DPY19L3: variants seen among roughly 807,000 people sequenced by gnomAD.
DPY19L3 encodes the protein protein C-mannosyl-transferase DPY19L3.
In DPY19L3, 51 loss-of-function variants were observed where a neutral mutation model predicts 92.3. That is an observed-to-expected ratio of 0.55 (90% confidence interval 0.44 to 0.70). The LOEUF (loss-of-function observed/expected upper bound fraction) is 0.70, where lower values mean the gene tolerates loss of function less well. DPY19L3 is among the 30% of genes least tolerant of loss of function. DPY19L3 has a pLI of 0.00. For synonymous variants in DPY19L3, 309 were observed against 315.2 expected (o/e 0.98, Z 0.21); for missense variants, 706 against 855.9 (o/e 0.82, Z 2.18).
chr19:32,480,679 T>C, intron 18 of DPY19L3, 122 bp downstream of exon 18: 1 of 1,308,908 alleles, frequency 7.6e-7, no homozygotes, highest in Non-Finnish European at 1.0e-6. Context: ...GAATCAAGTA[T>C]TTGCTTTTTC....
chr19:32,463,778 A>G (rs1303280675), intron 13 of DPY19L3, 91 bp from the exon 14 acceptor site: 1 of 1,173,826 alleles, frequency 8.5e-7, no homozygotes, highest in Non-Finnish European at 1.3e-6. Context: ...TTTTGCCGTC[A>G]TAGACTGTAA....
chr19:32,474,057 C>T (rs183317481), intron 16 of DPY19L3, among the ~76,000 whole-genome samples: 1 of 152,298 alleles, frequency 6.6e-6, no homozygotes, highest in Non-Finnish European at 1.5e-5. Context: ...CCCACCTCAG[C>T]CTCCCAAAGT....
At chr19:32,478,742 T>G (rs1237377644) in intron 17 of DPY19L3, among the ~76,000 whole-genome samples, 1 of 152,278 alleles carries the variant, frequency 6.6e-6, no homozygotes, top group African/African-American at 2.4e-5. Context: ...CCTTCCTATT[T>G]TTAAAGCTGC....
At chr19:32,431,910 T>C (rs750630804) in intron 3 of DPY19L3, among the ~76,000 whole-genome samples, 2 of 152,152 alleles carry the variant, frequency 1.3e-5, no homozygotes, top group Non-Finnish European at 2.9e-5. Context: ...ATACCATCAA[T>C]ACGGTGAAAA....
chr19:32,421,528 T>A (rs530351666), intron 3 of DPY19L3, among the ~76,000 whole-genome samples: 1 of 150,754 alleles, frequency 6.6e-6, no homozygotes, highest in African/African-American at 2.4e-5. Flanking sequence ...TAATCCCAGC[T>A]GAAGCAGGAG....
rs773277328 is a variant in DPY19L3, at chr19:32,482,985, A to G, written c.*745A>G. The G allele has an allele frequency of 2.0e-5, 3 of 152,226 alleles. No homozygotes were observed. The highest frequency in any genetic ancestry group is 2.9e-5 in the Non-Finnish European group (2 of 68,042). 9.4% of individuals were successfully genotyped at this position (152,226 alleles called of 1,614,324 possible). A position where few individuals can be genotyped will look rare whatever the true frequency, so the allele number is the denominator to read the frequency against. ...AAATATATGTAGCCAAGTAGAATTT[A>G]TTACATTTTAGTGTTATTATTTTAA... On this transcript the variant is annotated 3_prime_UTR_variant, in exon 19 of 19. Transcript: ENST00000392250.
chr19:32,430,818 G>T (rs1968939119), intron 3 of DPY19L3, among the ~76,000 whole-genome samples: 2 of 148,612 alleles, frequency 1.3e-5, no homozygotes, highest in African/African-American at 5.0e-5. Flanking sequence ...TGTAGAGACA[G>T]GGTTTTGCCA....
At chr19:32,440,046 C>T in intron 8 of DPY19L3, 136 bp downstream of exon 8, 2 of 1,105,354 alleles carry the variant, frequency 1.8e-6, no homozygotes, top group South Asian at 1.6e-5. Context: ...TTTGCTGTGG[C>T]CAATTGAAGC....
rs766932059 is a variant in DPY19L3 at position 32,468,836 on chromosome 19, T to C, written c.1697+23T>C. On this transcript the variant is annotated intron_variant, in intron 16 of 18. Transcript: ENST00000392250. ...TAAGTAAGAGGATTTTTTTTAACTT[T>C]TAAAATTTTAAGTGCCTTTTAAGAG... 2.9e-5 allele frequency: 46 copies of C among 1,607,048 alleles called. No homozygotes were observed. The East Asian group carries it at 1.0e-3, about 36-fold the overall frequency.
In DPY19L3 at chr19:32,482,234, C is replaced by G. The variant is rs766771488; in HGVS notation, c.2145C>G (p.Asn715Lys). ...KTFHVYKLSR[N>K]K ...TCCACGTTTACAAGCTGTCCAGAAA[C>G]AAGTAGCGCAGATTTCTGCCCAGTG... is the stretch of plus-strand genomic sequence containing the variant. The change falls in exon 19 of 19, where the codon AAC becomes AAG. Residue 715 changes from asparagine to lysine, a missense_variant. Coordinates refer to ENST00000392250, the MANE Select transcript of DPY19L3 (RefSeq NM_001172774.2). 3.8e-5 allele frequency: 62 copies of G among 1,610,796 alleles called. No individual in the cohort carries two copies. Among genetic ancestry groups the G allele is most frequent in the Non-Finnish European group, 4.8e-5 (57 of 1,179,110 alleles).
chr19:32,453,779 A>T (rs1180994371), intron 9 of DPY19L3, among the ~76,000 whole-genome samples: 2 of 152,184 alleles, frequency 1.3e-5, no homozygotes, highest in African/African-American at 4.8e-5. Flanking sequence ...GAGAATCCAA[A>T]TAAATAACTT....
intron 3 of DPY19L3, among the ~76,000 whole-genome samples, chr19:32,424,197 G>A (rs1968677602): frequency 6.6e-6 from 1 of 151,806 alleles, no homozygotes; most frequent in African/African-American, 2.4e-5. Flanking sequence ...GTGTGCACCT[G>A]CAGCCCCAGT....
chr19:32,416,066 G>A (rs1269080083), intron 3 of DPY19L3, among the ~76,000 whole-genome samples: 3 of 152,220 alleles, frequency 2.0e-5, no homozygotes, highest in Non-Finnish European at 2.9e-5. Flanking sequence ...CAGGATCAGA[G>A]AGAAGGTGCA....
intron 9 of DPY19L3, among the ~76,000 whole-genome samples, chr19:32,454,420 A>G (rs1969800943): frequency 6.6e-6 from 1 of 152,078 alleles, no homozygotes; most frequent in African/African-American, 2.4e-5. Context: ...TAAAAATACA[A>G]AAACTTAGCC....
intron 6 of DPY19L3, among the ~76,000 whole-genome samples, chr19:32,437,803 C>G (rs1403824186): frequency 2.0e-5 from 3 of 151,582 alleles, no homozygotes; most frequent in African/African-American, 7.3e-5. Flanking sequence ...TTTTTTAAAG[C>G]CAATGAAGAC....
chr19:32,422,630 AC>A (rs1968612175), intron 3 of DPY19L3, among the ~76,000 whole-genome samples: 2 of 398 alleles, frequency 5.0e-3, no homozygotes, highest in Middle Eastern at 0.17. Context: ...ATCAGGAAAA[AC>A]ACACACACAC....
At chr19:32,445,830 A>G (rs1335847366) in intron 8 of DPY19L3, among the ~76,000 whole-genome samples, 1 of 152,048 alleles carries the variant, frequency 6.6e-6, no homozygotes, top group Non-Finnish European at 1.5e-5. Flanking sequence ...GCGAAACCCC[A>G]TCTCTACTAC....
At chr19:32,467,573 T>G in intron 15 of DPY19L3, 4 of 987,558 alleles carry the variant, frequency 4.1e-6, no homozygotes, top group Non-Finnish European at 4.8e-6. Flanking sequence ...TGGCCAAAGA[T>G]GAGATGACCA....
chr19:32,474,684 G>T (rs896649590), intron 16 of DPY19L3, among the ~76,000 whole-genome samples: 1 of 152,048 alleles, frequency 6.6e-6, no homozygotes, highest in Non-Finnish European at 1.5e-5. Context: ...TATGCCTCCC[G>T]GGTTCAAGTG....
Sources: allele counts gnomAD v4.1 joint callset (sites outside exome capture counted in the v4.1 genomes callset), GRCh38; gene constraint gnomAD v4.1.1; transcripts MANE v1.5; gene names NCBI Gene and HGNC (gene_info 2026-07-23, HGNC 2026-07-21).